GPR137C: variants seen among roughly 807,000 people sequenced by gnomAD.
The protein encoded by GPR137C is G protein-coupled receptor 137C.
In GPR137C, 27 loss-of-function variants were observed where a neutral mutation model predicts 43.4. The observed-to-expected ratio is 0.62, with a 90% CI of 0.46 to 0.86. The LOEUF is 0.86. Among genes scored for constraint, GPR137C ranks in the 40% least tolerant of loss-of-function variants. The pLI, the probability that GPR137C is intolerant of heterozygous loss-of-function variation, is 0.00. For missense variants in GPR137C, 522 were observed against 534.6 expected (o/e 0.98, Z 0.23); for synonymous variants, 285 against 226.9 (o/e 1.26, Z -2.30).
intron 3 of GPR137C, among the ~76,000 whole-genome samples, chr14:52,618,080 A>C (rs1215720794): frequency 6.6e-6 from 1 of 152,200 alleles, no homozygotes. Flanking sequence ...ATCAAATCTC[A>C]AAAGGAACAG....
intron 5 of GPR137C, 66 bp downstream of exon 5, chr14:52,633,721 T>A (rs2039319715): frequency 1.3e-6 from 2 of 1,574,212 alleles, no homozygotes; most frequent in Admixed American, 1.8e-5. Flanking sequence ...TTTATATTGA[T>A]TTTCTATTTT....
At chr14:52,602,101 T>C (rs2038933339) in intron 3 of GPR137C, among the ~76,000 whole-genome samples, 1 of 151,084 alleles carries the variant, frequency 6.6e-6, no homozygotes, top group Non-Finnish European at 1.5e-5. Flanking sequence ...TGTTTAATAT[T>C]GTAATGTTAA....
At chr14:52,591,526 G>A (rs2038784461) in intron 1 of GPR137C, among the ~76,000 whole-genome samples, 2 of 152,168 alleles carry the variant, frequency 1.3e-5, no homozygotes, top group Non-Finnish European at 2.9e-5. Context: ...CATTCTAACT[G>A]GTGTGAAATG....
chr14:52,576,792 C>T lies in GPR137C; in HGVS notation c.445-21480C>T, dbSNP rs146846267. On this transcript the variant is annotated intron_variant, in intron 1 of 6. Transcript: ENST00000321662. The stretch of plus-strand genomic sequence containing the variant: ...CAAAAATTGACCATATGCTGGGCCA[C>T]AAGGCGAGTCTCAATAAGTTTTTAA... Among the ~76,000 whole-genome samples, 13 of 152,254 alleles carry T rather than the reference C, an allele frequency of 8.5e-5. 1 individual carries two copies. The East Asian group carries it at 2.5e-3, about 29-fold the overall frequency.
rs778617218 is a variant in GPR137C, at chr14:52,632,132, T to C, written c.718-28T>C. 2.6e-6 allele frequency: 4 copies of C among 1,557,678 alleles called. 1 individual carries two copies. The South Asian group carries it at 3.4e-5, about 13-fold the overall frequency. The stretch of plus-strand genomic sequence containing the variant: ...TTGTCGTGACAAATGTGTAGAATAC[T>C]AAAGATGATGATTTTTATTTGTTTT... On this transcript the variant is annotated intron_variant, in intron 3 of 6. Coordinates refer to ENST00000321662, the MANE Select transcript of GPR137C (RefSeq NM_001099652.2).
intron 3 of GPR137C, among the ~76,000 whole-genome samples, chr14:52,602,097 A>G (rs1240965475): frequency 6.6e-6 from 1 of 150,780 alleles, no homozygotes; most frequent in Non-Finnish European, 1.5e-5. Flanking sequence ...GATTTGTTTA[A>G]TATTGTAATG....
chr14:52,625,315 C>T (rs1200889124), intron 3 of GPR137C, among the ~76,000 whole-genome samples: 1 of 151,666 alleles, frequency 6.6e-6, no homozygotes, highest in Admixed American at 6.6e-5. Context: ...AACCCCATCT[C>T]TACTAAAAAT....
chr14:52,579,199 C>T (rs1169518646), intron 1 of GPR137C, among the ~76,000 whole-genome samples: 1 of 152,158 alleles, frequency 6.6e-6, no homozygotes, highest in East Asian at 1.9e-4. Context: ...AATCTTTATG[C>T]TTGGTGTATA....
At chr14:52,582,595 A>G (rs2139487099) in intron 1 of GPR137C, among the ~76,000 whole-genome samples, 1 of 152,308 alleles carries the variant, frequency 6.6e-6, no homozygotes. Flanking sequence ...GGAGTTCGAG[A>G]CCAGCCTGGC....
intron 1 of GPR137C, among the ~76,000 whole-genome samples, chr14:52,585,508 A>T (rs12434031): frequency 0.17 from 25,994 of 152,214 alleles, 2,443 homozygotes; most frequent in East Asian, 0.38. Flanking sequence ...CCTACTTTAA[A>T]TTTAACAGAT....
At chr14:52,560,653 A>G (rs2038268261) in intron 1 of GPR137C, among the ~76,000 whole-genome samples, 1 of 152,214 alleles carries the variant, frequency 6.6e-6, no homozygotes, top group Non-Finnish European at 1.5e-5. Context: ...AAGGTAATTT[A>G]GTGGGGAAAA....
At chr14:52,627,012 G>A (rs1355654642) in intron 3 of GPR137C, among the ~76,000 whole-genome samples, 2 of 152,174 alleles carry the variant, frequency 1.3e-5, no homozygotes, top group East Asian at 3.8e-4. Flanking sequence ...ATTAGAAGAT[G>A]CAGTATCATT....
rs371493953 is a variant in GPR137C, at chr14:52,573,798, CG to C, written c.444+20209del. Among the ~76,000 whole-genome samples the C allele has an allele frequency of 1.9e-3, 293 of 152,144 alleles. 1 individual carries two copies. The highest frequency in any genetic ancestry group is 6.8e-3 in the African/African-American group (283 of 41,514). Reference sequence around the variant, plus strand: ...AGAGTGAACAGGCAACCTACAGAATCGGAGGAAATTGTTGCAATCTATCCAT... The same window carrying C: ...AGAGTGAACAGGCAACCTACAGAATCGAGGAAATTGTTGCAATCTATCCAT... On this transcript the variant is annotated intron_variant, in intron 1 of 6. Coordinates refer to ENST00000321662, the MANE Select transcript of GPR137C (RefSeq NM_001099652.2).
chr14:52,556,175 T>C (rs972738108), intron 1 of GPR137C, among the ~76,000 whole-genome samples: 13 of 152,182 alleles, frequency 8.5e-5, no homozygotes, highest in African/African-American at 3.1e-4. Flanking sequence ...GTCTTTGCTG[T>C]ATGCCGTATT....
At chr14:52,592,072 T>A (rs1203751283) in intron 1 of GPR137C, among the ~76,000 whole-genome samples, 1 of 152,246 alleles carries the variant, frequency 6.6e-6, no homozygotes, top group Non-Finnish European at 1.5e-5. Flanking sequence ...CACCATTTAT[T>A]ACATAGGGAA....
chr14:52,631,953 CAA>C (rs35962083), intron 3 of GPR137C, among the ~76,000 whole-genome samples: 2,853 of 128,948 alleles, frequency 0.022, 52 homozygotes, highest in African/African-American at 0.049. Context: ...GGCAAGTTGG[CAA>C]AAAAAAAAAA....
At chr14:52,633,141 A>G (rs2039313416) in intron 4 of GPR137C, among the ~76,000 whole-genome samples, 2 of 152,084 alleles carry the variant, frequency 1.3e-5, no homozygotes, top group African/African-American at 2.4e-5. Flanking sequence ...GTGACTTAAC[A>G]TGTTACATTT....
intron 3 of GPR137C, among the ~76,000 whole-genome samples, chr14:52,609,226 G>C (rs2039013149): frequency 6.6e-6 from 1 of 151,746 alleles, no homozygotes; most frequent in East Asian, 1.9e-4. Context: ...ATTTCATTCA[G>C]TGTATTTTCA....
intron 1 of GPR137C, chr14:52,597,064 T>G (rs951385421): frequency 2.2e-6 from 1 of 445,944 alleles, no homozygotes; most frequent in African/African-American, 2.0e-5. Flanking sequence ...TATGAGTAGA[T>G]GCACAGGCAT....
Sources: gnomAD v4.1 joint callset for allele counts (sites outside exome capture counted in the v4.1 genomes callset) on GRCh38, gnomAD v4.1.1 for gene constraint, MANE v1.5 for transcripts, NCBI Gene and HGNC (gene_info 2026-07-23, HGNC 2026-07-21) for gene names.